The following AUTS2 variants were observed in gnomAD, a reference collection of about 807,000 sequenced individuals.
The protein encoded by AUTS2 is activator of transcription and developmental regulator AUTS2.
AUTS2 carries 17 observed loss-of-function variants against 112.4 expected under a neutral mutation model. The ratio of observed to expected loss-of-function variants is 0.15; its 90% CI spans 0.10 to 0.23. The LOEUF (loss-of-function observed/expected upper bound fraction) is 0.23. AUTS2 is among the 10% of genes least tolerant of loss of function. AUTS2 has a pLI of 1.00. For synonymous variants in AUTS2, 751 were observed against 702.7 expected (o/e 1.07, Z -1.09); for missense variants, 1,510 against 1,701.6 (o/e 0.89, Z 1.98).
At position 69,771,853 on chromosome 7, in the gene AUTS2, C is replaced by T. The variant is rs201464308; in HGVS notation, c.310-127433C>T. Among the ~76,000 whole-genome samples, 11 of 151,044 alleles carry T rather than the reference C, an allele frequency of 7.3e-5. No homozygotes were observed. The East Asian group carries it at 1.6e-3, about 21-fold the overall frequency. On this transcript the variant is annotated intron_variant, in intron 1 of 18. Coordinates refer to ENST00000342771, the MANE Select transcript of AUTS2 (RefSeq NM_015570.4). ...AGGCTGGAGTGCAATGGCGCGATCT[C>T]GGCTCACTGCAACCTCCACCTCCTG...
intron 5 of AUTS2, among the ~76,000 whole-genome samples, chr7:70,555,042 A>G (rs1251182901): frequency 6.6e-6 from 1 of 152,248 alleles, no homozygotes; most frequent in African/African-American, 2.4e-5. Context: ...GTGAATGCAG[A>G]GATGGATAAA....
At position 70,075,330 on chromosome 7, in the gene AUTS2, A is replaced by AAGGATGTCCC. The variant is rs371150935; in HGVS notation, c.523-42799_523-42790dup. ...GATTTTTCATTTTAGACTCCGTGGG[A>AAGGATGTCCC]AGGATGTCCCAGTGCAGAGTTGGCC... On this transcript the variant is annotated intron_variant, in intron 2 of 18. Transcript: ENST00000342771. Among the ~76,000 whole-genome samples, 362 of 152,268 alleles carry AAGGATGTCCC rather than the reference A, an allele frequency of 2.4e-3. 1 individual carries two copies. The highest frequency in any genetic ancestry group is 8.1e-3 in the African/African-American group (337 of 41,552).
intron 5 of AUTS2, among the ~76,000 whole-genome samples, chr7:70,508,292 A>G (rs1799050752): frequency 6.6e-6 from 1 of 151,866 alleles, no homozygotes; most frequent in African/African-American, 2.4e-5. Flanking sequence ...GGAGAGAAGG[A>G]AAGAAAGGGA....
At chr7:70,456,288 C>T (rs1436462141) in intron 5 of AUTS2, among the ~76,000 whole-genome samples, 1 of 152,198 alleles carries the variant, frequency 6.6e-6, no homozygotes, top group African/African-American at 2.4e-5. Flanking sequence ...TTTACTTTTA[C>T]TTTTACTTTA....
chr7:70,102,988 A>C (rs1804580119), intron 2 of AUTS2, among the ~76,000 whole-genome samples: 1 of 152,226 alleles, frequency 6.6e-6, no homozygotes, highest in African/African-American at 2.4e-5. Flanking sequence ...GAATTGAGAG[A>C]CATGGTTGTA....
intron 4 of AUTS2, among the ~76,000 whole-genome samples, chr7:70,226,360 A>ATTTTTTT (rs34184657): frequency 2.2e-5 from 3 of 136,412 alleles, no homozygotes; most frequent in Non-Finnish European, 3.1e-5. Flanking sequence ...TGCCCGGCTA[A>ATTTTTTT]TTTTTTTTTT....
intron 1 of AUTS2, among the ~76,000 whole-genome samples, chr7:69,708,777 A>G (rs1465831218): frequency 6.6e-6 from 1 of 152,200 alleles, no homozygotes; most frequent in East Asian, 1.9e-4. Flanking sequence ...AGGACACTTT[A>G]TGTTGTGGAG....
chr7:69,767,532 C>T (rs939786823), intron 1 of AUTS2, among the ~76,000 whole-genome samples: 19 of 152,288 alleles, frequency 1.2e-4, no homozygotes, highest in African/African-American at 4.6e-4. Context: ...TTGGACTTCT[C>T]TCCATGTGGG....
At chr7:70,488,238 G>A (rs1042264860) in intron 5 of AUTS2, among the ~76,000 whole-genome samples, 1 of 152,180 alleles carries the variant, frequency 6.6e-6, no homozygotes, top group African/African-American at 2.4e-5. Flanking sequence ...AGGAGTGCTG[G>A]GCACCAGTGT....
chr7:70,696,953 C>T (rs1809146883), intron 5 of AUTS2, among the ~76,000 whole-genome samples: 1 of 152,168 alleles, frequency 6.6e-6, no homozygotes, highest in African/African-American at 2.4e-5. Context: ...AATTCCAACC[C>T]GTTCTAAGAA....
At chr7:70,733,740 C>T (rs1787603461) in intron 6 of AUTS2, among the ~76,000 whole-genome samples, 1 of 151,992 alleles carries the variant, frequency 6.6e-6, no homozygotes, top group African/African-American at 2.4e-5. Flanking sequence ...GCGCCCGCCA[C>T]CACACCCTGA....
At chr7:69,972,670 CATGTGT>C (rs139125878) in intron 2 of AUTS2, among the ~76,000 whole-genome samples, 12,682 of 111,612 alleles carry the variant, frequency 0.11, 593 homozygotes, top group Middle Eastern at 0.17. Context: ...TGTGTGCGTG[CATGTGT>C]GTGTGTGTGT....
chr7:69,624,144 C>T (rs1179228632), intron 1 of AUTS2, among the ~76,000 whole-genome samples: 3 of 152,134 alleles, frequency 2.0e-5, no homozygotes, highest in Admixed American at 6.5e-5. Context: ...ATTAAGATTA[C>T]GTTCTAAGAT....
At chr7:69,602,037 T>TATATATATATATATATATATATATAC (rs1792455621) in intron 1 of AUTS2, among the ~76,000 whole-genome samples, 1 of 9,980 alleles carries the variant, frequency 1.0e-4, no homozygotes, top group Non-Finnish European at 2.2e-4. Context: ...TATATATATA[T>TATATATATATATATATATATATATAC]ATATGTGTGT....
intron 4 of AUTS2, among the ~76,000 whole-genome samples, chr7:70,368,569 G>T (rs1241748308): frequency 2.6e-5 from 4 of 152,160 alleles, no homozygotes; most frequent in Admixed American, 6.5e-5. Flanking sequence ...CATACTGTAT[G>T]GCCAACATTA....
chr7:70,721,279 C>CGTGTGTGT (rs55885084), intron 6 of AUTS2, among the ~76,000 whole-genome samples: 5,872 of 140,084 alleles, frequency 0.042, 189 homozygotes, highest in African/African-American at 0.077. Context: ...GAATTTCATT[C>CGTGTGTGT]GTGTGTGTGT....
At chr7:70,680,673 G>A (rs1024788841) in intron 5 of AUTS2, among the ~76,000 whole-genome samples, 2 of 152,132 alleles carry the variant, frequency 1.3e-5, no homozygotes, top group African/African-American at 4.8e-5. Flanking sequence ...GAGTGCTGAT[G>A]GAAAAACAAC....
chr7:70,186,127 T>C (rs544662044), intron 4 of AUTS2, among the ~76,000 whole-genome samples: 1 of 152,304 alleles, frequency 6.6e-6, no homozygotes, highest in East Asian at 1.9e-4. Flanking sequence ...GCTTGAAGTA[T>C]GTTATTCATG....
At chr7:69,760,756 G>T (rs944711292) in intron 1 of AUTS2, among the ~76,000 whole-genome samples, 1 of 152,158 alleles carries the variant, frequency 6.6e-6, no homozygotes, top group Non-Finnish European at 1.5e-5. Context: ...GGAGGTGGAG[G>T]TTGCAGTGAG....
Sources: gnomAD v4.1 joint callset for allele counts (sites outside exome capture counted in the v4.1 genomes callset) on GRCh38, gnomAD v4.1.1 for gene constraint, MANE v1.5 for transcripts, NCBI Gene and HGNC (gene_info 2026-07-23, HGNC 2026-07-21) for gene names.